The following RNF216 variants were observed in gnomAD, a reference collection of about 807,000 sequenced individuals.
The protein encoded by RNF216 is ring finger protein 216.
A neutral mutation model predicts 110.8 loss-of-function variants in RNF216; 72 were observed. That is an observed-to-expected ratio of 0.65 (90% CI 0.54 to 0.79). RNF216 has a LOEUF of 0.79. Among genes scored for constraint, RNF216 ranks in the 30% least tolerant of loss-of-function variants. RNF216 has a pLI of 0.00. For synonymous variants in RNF216, 495 were observed against 407.5 expected (o/e 1.21, Z -2.59); for missense variants, 1,342 against 1,141.2 (o/e 1.18, Z -2.54).
chr7:5,655,636 C>A (rs852520), intron 13 of RNF216, among the ~76,000 whole-genome samples: 114,531 of 151,248 alleles, frequency 0.76, 44,709 homozygotes, highest in East Asian at 0.98. Context: ...AAGACAAGAC[C>A]AGACCATGTA....
chr7:5,698,062 A>C (rs767858695), intron 13 of RNF216, among the ~76,000 whole-genome samples: 2 of 152,182 alleles, frequency 1.3e-5, no homozygotes, highest in Non-Finnish European at 2.9e-5. Flanking sequence ...ACGGGAAATA[A>C]AACTGAAAAA....
At chr7:5,674,492 G>A (rs932950583) in intron 13 of RNF216, among the ~76,000 whole-genome samples, 3 of 151,846 alleles carry the variant, frequency 2.0e-5, no homozygotes, top group Admixed American at 6.6e-5. Flanking sequence ...GCCAGGTGTG[G>A]TGGCACACAC....
At chr7:5,715,423 G>A (rs1792985239) in intron 10 of RNF216, among the ~76,000 whole-genome samples, 1 of 151,944 alleles carries the variant, frequency 6.6e-6, no homozygotes, top group Non-Finnish European at 1.5e-5. Flanking sequence ...TTTTTTTCTG[G>A]TATTCTTTAG....
At chr7:5,679,859 C>T (rs1584437815) in intron 13 of RNF216, among the ~76,000 whole-genome samples, 1 of 152,156 alleles carries the variant, frequency 6.6e-6, no homozygotes, top group South Asian at 2.1e-4. Context: ...CCCTCACCCG[C>T]CTTTCTGCTA....
chr7:5,644,219 C>T (rs1387653512), intron 14 of RNF216, among the ~76,000 whole-genome samples: 1 of 152,098 alleles, frequency 6.6e-6, no homozygotes, highest in African/African-American at 2.4e-5. Flanking sequence ...ACTGCTGGGT[C>T]ATATGGTAAT....
At chr7:5,715,985 C>A (rs995711929) in intron 10 of RNF216, among the ~76,000 whole-genome samples, 1 of 152,050 alleles carries the variant, frequency 6.6e-6, no homozygotes, top group Admixed American at 6.6e-5. Flanking sequence ...TCGTGATGTG[C>A]CTGCCTTGGC....
intron 5 of RNF216, among the ~76,000 whole-genome samples, chr7:5,734,329 T>C (rs191037867): frequency 9.5e-4 from 145 of 152,186 alleles, no homozygotes; most frequent in African/African-American, 3.4e-3. Context: ...TAATGCTGAG[T>C]GAAAAGAAAT....
intron 14 of RNF216, among the ~76,000 whole-genome samples, chr7:5,647,621 C>G (rs1788134604): frequency 6.6e-6 from 1 of 151,832 alleles, no homozygotes; most frequent in African/African-American, 2.4e-5. Context: ...GGTGTGGCAG[C>G]CATTCATTTT....
In RNF216 at chr7:5,624,040, G is replaced by C. The variant is rs372528580; in HGVS notation, c.2452+16C>G. The C allele has an allele frequency of 3.1e-6, 5 of 1,610,664 alleles. No homozygotes were observed. Among genetic ancestry groups the C allele is most frequent in the Non-Finnish European group, 4.2e-6 (5 of 1,178,040 alleles). On this transcript the variant is annotated intron_variant, in intron 16 of 16. Transcript: ENST00000389902. The surrounding 1 kb of genome is among the most constrained non-coding windows in gnomAD (Gnocchi z 4.4). ...GGCTGCTGCTCTGTCCTGGGGGCCT[G>C]GGGAGGGGCACTTGCCTCCATTCTT...
intron 5 of RNF216, among the ~76,000 whole-genome samples, chr7:5,734,323 G>A (rs185054398): frequency 6.6e-6 from 1 of 152,134 alleles, no homozygotes; most frequent in Non-Finnish European, 1.5e-5. Context: ...TTAACATAAT[G>A]CTGAGTGAAA....
At chr7:5,662,773 A>C (rs1789231118) in intron 13 of RNF216, among the ~76,000 whole-genome samples, 1 of 152,158 alleles carries the variant, frequency 6.6e-6, no homozygotes, top group South Asian at 2.1e-4. Flanking sequence ...GAGGAAACTA[A>C]AGCCAGGTAG....
At chr7:5,735,392 T>G (rs576872801) in intron 5 of RNF216, among the ~76,000 whole-genome samples, 26 of 152,122 alleles carry the variant, frequency 1.7e-4, no homozygotes, top group African/African-American at 4.8e-4. Flanking sequence ...GAACTTAACA[T>G]ATCAGAACAA....
At position 5,741,747 on chromosome 7, in the gene RNF216, C is replaced by T. The variant is rs777726778; in HGVS notation, c.270G>A (p.Arg90=). 3.1e-6 allele frequency: 5 copies of T among 1,614,050 alleles called. No individual in the cohort carries two copies. Among genetic ancestry groups the T allele is most frequent in the East Asian group, 2.2e-5 (1 of 44,882 alleles). The change falls in exon 4 of 17, where the codon AGG becomes AGA. Residue 90 remains arginine, a synonymous_variant. Transcript: ENST00000389902. Reference sequence around the variant, plus strand: ...ACTTTTTAGGCCTTTCTTCTCCCAACCTTTTCAGATCTTGCCACTGGGCAG... The same window carrying T: ...ACTTTTTAGGCCTTTCTTCTCCCAATCTTTTCAGATCTTGCCACTGGGCAG... ...KPAAQWQDLK[R]LGEERPKKSR... is the part of the protein sequence containing the mutation.
chr7:5,724,556 G>C (rs1372542671), intron 8 of RNF216, among the ~76,000 whole-genome samples: 1 of 152,178 alleles, frequency 6.6e-6, no homozygotes, highest in Non-Finnish European at 1.5e-5. Flanking sequence ...CATGTCAGCA[G>C]AGCCACTGCT....
rs1361896938 is a variant in RNF216, at chr7:5,621,760, C to G, written c.*1100G>C. The G allele has an allele frequency of 1.3e-5, 2 of 152,772 alleles. No individual in the cohort carries two copies. Among genetic ancestry groups the G allele is most frequent in the Admixed American group, 1.3e-4 (2 of 15,278 alleles). 9.5% of individuals were successfully genotyped at this position (152,772 alleles called of 1,614,324 possible). ...TCAGACCTCTCATCTGTCAATGGGCCAGAGTGATGCCTCAGGCACCGCTAG... is the reference window on the plus strand; with the variant it reads ...TCAGACCTCTCATCTGTCAATGGGCGAGAGTGATGCCTCAGGCACCGCTAG... On this transcript the variant is annotated 3_prime_UTR_variant, in exon 17 of 17. Transcript: ENST00000389902.
intron 13 of RNF216, among the ~76,000 whole-genome samples, chr7:5,653,462 G>A (rs1340637999): frequency 2.6e-5 from 4 of 151,694 alleles, no homozygotes; most frequent in African/African-American, 7.3e-5. Flanking sequence ...TTAGCTGGGC[G>A]TGGTGGCAGG....
intron 13 of RNF216, among the ~76,000 whole-genome samples, chr7:5,689,955 AAAGAG>A (rs991416350): frequency 5.0e-4 from 76 of 151,796 alleles, no homozygotes; most frequent in African/African-American, 1.5e-3. Flanking sequence ...AAAGAACAGA[AAAGAG>A]AAGAGAAGAG....
At chr7:5,694,470 G>A (rs929015803) in intron 13 of RNF216, among the ~76,000 whole-genome samples, 1 of 152,192 alleles carries the variant, frequency 6.6e-6, no homozygotes, top group Admixed American at 6.5e-5. Context: ...TTCCAGATCA[G>A]CAAGATTCTT....
intron 15 of RNF216, among the ~76,000 whole-genome samples, chr7:5,630,985 C>T (rs1310840086): frequency 6.6e-6 from 1 of 152,164 alleles, no homozygotes; most frequent in Admixed American, 6.5e-5. Context: ...GAGAACACTG[C>T]TGTCGGGCTG....
Sources: gnomAD v4.1 joint callset for allele counts (sites outside exome capture counted in the v4.1 genomes callset) on GRCh38, gnomAD v4.1.1 for gene constraint, Gnocchi (gnomAD v3.1) non-coding constraint, MANE v1.5 for transcripts, NCBI Gene and HGNC (gene_info 2026-07-23, HGNC 2026-07-21) for gene names.